BAZ2B: variants seen among roughly 807,000 people sequenced by gnomAD.
BAZ2B encodes bromodomain adjacent to zinc finger domain protein 2B.
In BAZ2B, 91 loss-of-function variants were observed where a neutral mutation model predicts 246.0. The observed-to-expected ratio is 0.37, with a 90% CI of 0.31 to 0.44. The LOEUF (loss-of-function observed/expected upper bound fraction) is 0.44, where lower values mean the gene tolerates loss of function less well. Ranked by LOEUF, BAZ2B falls within the 20% of genes least tolerant of loss-of-function variation. The pLI is 1.00. For synonymous variants in BAZ2B, 855 were observed against 860.0 expected (o/e 0.99, Z 0.10); for missense variants, 2,332 against 2,533.7 (o/e 0.92, Z 1.71).
At chr2:159,707,499 T>G in the BAZ2B span, among the ~76,000 whole-genome samples, 1 of 152,156 alleles carries the variant, frequency 6.6e-6, no homozygotes, top group East Asian at 1.9e-4. Flanking sequence ...GAGAGCAGCC[T>G]GGCCAACATG....
chr2:159,406,123 G>A (rs1479667290), intron 14 of BAZ2B, among the ~76,000 whole-genome samples: 3 of 152,188 alleles, frequency 2.0e-5, no homozygotes, highest in African/African-American at 7.2e-5. Flanking sequence ...TTCCCATCAA[G>A]AGGTGGAATA....
rs762875256 is a variant in BAZ2B, at chr2:159,382,795, T to C, written c.3769A>G (p.Ile1257Val). Residue 1257 changes from isoleucine (I) to valine (V), a missense_variant, in exon 25 of 37, where the codon ATC (isoleucine) becomes GTC (valine). By Grantham distance (29) the Ile-to-Val change is conservative. Coordinates refer to ENST00000392783, the MANE Select transcript of BAZ2B (RefSeq NM_013450.4). Reference protein sequence around the residue: ...VVEGKLRKLRIIHAKKTGKRD... With the variant: ...VVEGKLRKLRVIHAKKTGKRD... The stretch of plus-strand genomic sequence containing the variant: ...TTGCCTGTTTTCTTAGCATGAATGA[T>C]TCTGAGCCTTTAAATATTATGAAAA... The C allele has an allele frequency of 6.2e-7, 1 of 1,612,238 alleles. No individual in the cohort carries two copies. The highest frequency in any genetic ancestry group is 1.7e-5 in the Admixed American group (1 of 59,760).
intron 1 of BAZ2B, among the ~76,000 whole-genome samples, chr2:159,564,405 T>C (rs1435642636): frequency 1.3e-5 from 2 of 152,054 alleles, no homozygotes; most frequent in African/African-American, 4.8e-5. Flanking sequence ...TGATTTGATT[T>C]AAAAAAACAA....
the BAZ2B span, among the ~76,000 whole-genome samples, chr2:159,698,537 AC>A: frequency 2.5e-3 from 371 of 148,132 alleles, 5 homozygotes; most frequent in African/African-American, 8.2e-3. Context: ...AACAAAAAAA[AC>A]AAAGAAAAAG....
chr2:159,336,854 G>C (rs2065760091), intron 33 of BAZ2B, 88 bp downstream of exon 33: 1 of 1,140,342 alleles, frequency 8.8e-7, no homozygotes, highest in Non-Finnish European at 1.2e-6. Flanking sequence ...TATGACAATA[G>C]GTAATGTATA....
chr2:159,703,720 T>C, the BAZ2B span, among the ~76,000 whole-genome samples: 5 of 151,572 alleles, frequency 3.3e-5, no homozygotes, highest in Admixed American at 2.6e-4. Context: ...CCTGTCACTA[T>C]AGAAAATACA....
chr2:159,567,018 T>A (rs1377797624), intron 1 of BAZ2B, among the ~76,000 whole-genome samples: 3 of 151,716 alleles, frequency 2.0e-5, no homozygotes, highest in Non-Finnish European at 4.4e-5. Flanking sequence ...CTGAGGCGAG[T>A]GATCACCTGA....
At chr2:159,464,809 G>A (rs1361894406) in intron 3 of BAZ2B, 18 of 152,064 alleles carry the variant, frequency 1.2e-4, no homozygotes, top group Admixed American at 1.2e-3. Context: ...TAAAAATACG[G>A]AATATTTTAT....
At chr2:159,526,290 T>A (rs191689866) in intron 2 of BAZ2B, among the ~76,000 whole-genome samples, 71 of 152,220 alleles carry the variant, frequency 4.7e-4, no homozygotes, top group African/African-American at 1.7e-3. Context: ...GGTACAATTA[T>A]ATAGAAAGAA....
At chr2:159,623,809 T>C in the BAZ2B span, among the ~76,000 whole-genome samples, 1 of 152,246 alleles carries the variant, frequency 6.6e-6, no homozygotes, top group East Asian at 1.9e-4. Flanking sequence ...AAGCACTTTA[T>C]AGCAAAAGCC....
the BAZ2B span, among the ~76,000 whole-genome samples, chr2:159,657,061 A>G: frequency 5.3e-5 from 8 of 152,262 alleles, no homozygotes; most frequent in Non-Finnish European, 7.4e-5. Flanking sequence ...AATTCCCTGC[A>G]AACTCTAGGT....
At chr2:159,581,930 GA>G (rs1686894793) in intron 1 of BAZ2B, among the ~76,000 whole-genome samples, 1 of 105,036 alleles carries the variant, frequency 9.5e-6, no homozygotes, top group African/African-American at 3.7e-5. Flanking sequence ...CGGGTGGGGG[GA>G]GGGGGGAGGG....
intron 2 of BAZ2B, among the ~76,000 whole-genome samples, chr2:159,494,675 T>C (rs1445195117): frequency 6.6e-6 from 1 of 152,172 alleles, no homozygotes; most frequent in African/African-American, 2.4e-5. Flanking sequence ...GCCACCTAAA[T>C]ACTAGTCTTT....
intron 1 of BAZ2B, among the ~76,000 whole-genome samples, chr2:159,602,283 G>A (rs556081642): frequency 1.3e-5 from 2 of 152,284 alleles, no homozygotes; most frequent in East Asian, 3.9e-4. Context: ...GTAAGAAACA[G>A]GAAGAGGAAA....
intron 27 of BAZ2B, 109 bp downstream of exon 27, chr2:159,372,936 T>G (rs1288239426): frequency 6.2e-6 from 8 of 1,282,324 alleles, no homozygotes; most frequent in Non-Finnish European, 8.5e-6. Context: ...AGGTTTTACA[T>G]GTTTACCAAA....
chr2:159,541,401 C>T (rs368219022), intron 2 of BAZ2B, among the ~76,000 whole-genome samples: 28 of 152,054 alleles, frequency 1.8e-4, no homozygotes, highest in African/African-American at 5.1e-4. Flanking sequence ...CCTCAGACTC[C>T]AGAGTAGCTG....
At position 159,320,000 on chromosome 2, in the gene BAZ2B, C is replaced by T; in HGVS notation, c.*265G>A. ...TTTAATTGCTATTGCACTATAACAC[C>T]CTTTCCTTTGAAAATTCTTTGGGTG... On this transcript the variant is annotated 3_prime_UTR_variant, in exon 37 of 37. Transcript: ENST00000392783. The surrounding 1 kb of genome is among the most constrained non-coding windows in gnomAD (Gnocchi z 4.0). The T allele has an allele frequency of 3.6e-6, 1 of 275,420 alleles. No homozygotes were observed. Among genetic ancestry groups the T allele is most frequent in the Non-Finnish European group, 6.7e-6 (1 of 149,778 alleles). The allele number at this position is 275,420 out of a possible 1,614,324, so 17.1% of individuals were successfully genotyped here.
the BAZ2B span, among the ~76,000 whole-genome samples, chr2:159,638,820 C>A: frequency 0.46 from 69,316 of 151,672 alleles, 16,672 homozygotes; most frequent in Middle Eastern, 0.64. Flanking sequence ...GAGAAAGAGA[C>A]AGGGGTAGAA....
chr2:159,378,972 T>C (rs1444778137), intron 25 of BAZ2B, among the ~76,000 whole-genome samples: 1 of 152,160 alleles, frequency 6.6e-6, no homozygotes, highest in East Asian at 1.9e-4. Flanking sequence ...TAGAACTATC[T>C]GATCCTGCAA....
Sources: allele counts gnomAD v4.1 joint callset (sites outside exome capture counted in the v4.1 genomes callset), GRCh38; gene constraint gnomAD v4.1.1; non-coding constraint Gnocchi (gnomAD v3.1); transcripts MANE v1.5; gene names NCBI Gene and HGNC (gene_info 2026-07-23, HGNC 2026-07-21).